CDKN2B-AS1: variants seen among roughly 807,000 people sequenced by gnomAD.
CDKN2B-AS1 encodes CDKN2B antisense RNA 1 (non-protein coding).
intron 4 of CDKN2B-AS1, chr9:22,113,892 T>A (rs927047710): frequency 6.6e-6 from 1 of 152,202 alleles, no homozygotes; most frequent in African/African-American, 2.4e-5. Flanking sequence ...CTTTTTCTAA[T>A]TATGCAAGAC....
chr9:22,069,800 G>C (rs1009250069), intron 4 of CDKN2B-AS1, among the ~76,000 whole-genome samples: 1 of 152,068 alleles, frequency 6.6e-6, no homozygotes, highest in African/African-American at 2.4e-5. Context: ...CTGTCGACCA[G>C]CCTCTCCCCA....
At chr9:22,093,916 T>G (rs1183548455) in intron 4 of CDKN2B-AS1, among the ~76,000 whole-genome samples, 1 of 144,862 alleles carries the variant, frequency 6.9e-6, no homozygotes, top group Non-Finnish European at 1.5e-5. Context: ...CTAGCCTTGA[T>G]GGTCTTTACA....
intron 4 of CDKN2B-AS1, among the ~76,000 whole-genome samples, chr9:22,085,603 C>G (rs1198385423): frequency 1.3e-5 from 2 of 151,946 alleles, no homozygotes; most frequent in Non-Finnish European, 2.9e-5. Context: ...CCCCTGTAGT[C>G]CCAGGTACTC....
intron 4 of CDKN2B-AS1, among the ~76,000 whole-genome samples, chr9:22,093,832 T>C (rs868206151): frequency 2.8e-5 from 4 of 144,204 alleles, no homozygotes; most frequent in South Asian, 2.1e-4. Context: ...AAGGTTAATA[T>C]GTTATGTGTG....
chr9:22,127,273 T>C (rs112688159), exon 5 of CDKN2B-AS1, among the ~76,000 whole-genome samples: 12,454 of 151,896 alleles, frequency 0.082, 1,681 homozygotes, highest in African/African-American at 0.28. Context: ...GTAGAGATGG[T>C]GTTTCACCAT....
intron 4 of CDKN2B-AS1, among the ~76,000 whole-genome samples, chr9:22,107,612 G>A (rs895448164): frequency 6.6e-6 from 1 of 152,202 alleles, no homozygotes; most frequent in Admixed American, 6.5e-5. Flanking sequence ...CCACATCAGG[G>A]GCCTTGGAGC....
chr9:22,076,848 A>G (rs896644268), intron 4 of CDKN2B-AS1, among the ~76,000 whole-genome samples: 2 of 152,068 alleles, frequency 1.3e-5, no homozygotes, highest in Non-Finnish European at 1.5e-5. Flanking sequence ...ACGGGCCACC[A>G]CATTTGGCTA....
chr9:22,057,535 G>A (rs1823623271), intron 4 of CDKN2B-AS1, among the ~76,000 whole-genome samples: 1 of 152,220 alleles, frequency 6.6e-6, no homozygotes, highest in African/African-American at 2.4e-5. Flanking sequence ...TTGGCCAGGT[G>A]TGGTGGCTCA....
chr9:22,089,979 C>A (rs1334764350), intron 4 of CDKN2B-AS1, among the ~76,000 whole-genome samples: 1 of 104,300 alleles, frequency 9.6e-6, no homozygotes, highest in Non-Finnish European at 1.8e-5. Flanking sequence ...CCTCCCCCCT[C>A]CCCCCACCCC....
At chr9:22,035,151 C>G (rs1007985553) in intron 1 of CDKN2B-AS1, among the ~76,000 whole-genome samples, 1 of 148,426 alleles carries the variant, frequency 6.7e-6, no homozygotes, top group Non-Finnish European at 1.5e-5. Context: ...AAACATTTAT[C>G]TTTTTTTTTT....
chr9:22,119,002 G>A (rs567828288), intron 4 of CDKN2B-AS1: 1 of 152,252 alleles, frequency 6.6e-6, no homozygotes, highest in African/African-American at 2.4e-5. Context: ...TTTAAGAAAA[G>A]GTAGGCATTG....
At chr9:22,051,779 G>C (rs868395969) in intron 3 of CDKN2B-AS1, among the ~76,000 whole-genome samples, 1 of 151,958 alleles carries the variant, frequency 6.6e-6, no homozygotes, top group Non-Finnish European at 1.5e-5. Flanking sequence ...TTTGCTTCTA[G>C]GTATATTATA....
intron 1 of CDKN2B-AS1, among the ~76,000 whole-genome samples, chr9:22,044,881 C>T (rs925151667): frequency 6.6e-6 from 1 of 151,946 alleles, no homozygotes; most frequent in Non-Finnish European, 1.5e-5. Flanking sequence ...GCTGACACAA[C>T]CTTTTTGACT....
At chr9:22,008,548 C>A in intron 1 of CDKN2B-AS1, 2 of 953,690 alleles carry the variant, frequency 2.1e-6, no homozygotes, top group South Asian at 1.7e-5. Flanking sequence ...TCAGTCTATT[C>A]CTTGCATCTC....
At position 22,006,502 on chromosome 9, in the gene CDKN2B-AS1, T is replaced by G. The variant is rs575150054; in HGVS notation, n.29+11341T>G. On this transcript the variant is annotated intron_variant and non_coding_transcript_variant, in intron 1 of 4. Coordinates refer to ENST00000650946, the Ensembl canonical transcript of CDKN2B-AS1. The surrounding 1 kb of genome is among the most constrained non-coding windows in gnomAD (Gnocchi z 6.4). ...TCTAAACGTGCAGAGACAAGAAAGT[T>G]GATGGTAAAGTGATGATCATCATTA... 7.9e-4 allele frequency among the ~76,000 whole-genome samples: 120 copies of G among 152,300 alleles called. No individual in the cohort carries two copies. Among genetic ancestry groups the G allele is most frequent in the African/African-American group, 2.7e-3 (113 of 41,572 alleles).
chr9:22,078,804 T>G (rs1824588905), intron 4 of CDKN2B-AS1, among the ~76,000 whole-genome samples: 1 of 152,352 alleles, frequency 6.6e-6, no homozygotes, highest in Non-Finnish European at 1.5e-5. Context: ...AGCTCTGAGA[T>G]CTTCTATAAT....
intron 1 of CDKN2B-AS1, chr9:22,012,357 A>G (rs1043432540): frequency 1.3e-5 from 15 of 1,143,280 alleles, no homozygotes; most frequent in South Asian, 2.5e-5. Context: ...CCCACCCCGC[A>G]CCTGGTGCTG....
At chr9:22,074,958 G>C (rs1824438291) in intron 4 of CDKN2B-AS1, among the ~76,000 whole-genome samples, 1 of 152,220 alleles carries the variant, frequency 6.6e-6, no homozygotes, top group Non-Finnish European at 1.5e-5. Flanking sequence ...TGGTGGAAGA[G>C]AGAATTTTAG....
chr9:22,068,406 G>A (rs2131310438), intron 4 of CDKN2B-AS1, among the ~76,000 whole-genome samples: 1 of 152,260 alleles, frequency 6.6e-6, no homozygotes, highest in East Asian at 1.9e-4. Flanking sequence ...GGGGAATTTG[G>A]AACTGAAAGA....
Sources: gnomAD v4.1 joint callset for allele counts (sites outside exome capture counted in the v4.1 genomes callset) on GRCh38, gnomAD v4.1.1 for gene constraint, Gnocchi (gnomAD v3.1) non-coding constraint, MANE v1.5 for transcripts, NCBI Gene and HGNC (gene_info 2026-07-23, HGNC 2026-07-21) for gene names.